Variants in LINGO2 observed in about 807,000 individuals in gnomAD.
LINGO2 encodes leucine-rich repeat and immunoglobulin-like domain-containing nogo receptor-interacting protein 2.
In LINGO2, 14 loss-of-function variants were observed where a neutral mutation model predicts 30.6. The ratio of observed to expected loss-of-function variants is 0.46; its 90% CI spans 0.30 to 0.72. LINGO2 has a LOEUF of 0.72. Ranked by LOEUF, LINGO2 falls within the 30% of genes least tolerant of loss-of-function variation. The pLI, the probability that LINGO2 is intolerant of heterozygous loss-of-function variation, is 0.07. For synonymous variants in LINGO2, 317 were observed against 288.5 expected (o/e 1.10, Z -1.00); for missense variants, 729 against 751.7 (o/e 0.97, Z 0.35).
rs536791310 is a variant in LINGO2 at position 28,356,682 on chromosome 9, T to C, written c.-246+16154A>G. ...ACCACCTGAATTATCCCTTTTACCA[T>C]ATTTCTAAATGATAATCACCTGGTC... On this transcript the variant is annotated intron_variant, in intron 3 of 5. Transcript: ENST00000379992. Among the ~76,000 whole-genome samples, 6 of 152,288 alleles carry C rather than the reference T, an allele frequency of 3.9e-5. No homozygotes were observed. The South Asian group carries it at 1.2e-3, about 32-fold the overall frequency.
the LINGO2 span, among the ~76,000 whole-genome samples, chr9:28,806,332 A>G: frequency 6.6e-6 from 1 of 152,210 alleles, no homozygotes; most frequent in Non-Finnish European, 1.5e-5. Context: ...TGCTGCCTTC[A>G]CGATCCCTTG....
At chr9:28,039,176 C>T (rs1043343901) in intron 4 of LINGO2, among the ~76,000 whole-genome samples, 2 of 152,046 alleles carry the variant, frequency 1.3e-5, no homozygotes, top group African/African-American at 2.4e-5. Flanking sequence ...ATAAGTAGGC[C>T]GTGGGCATCT....
chr9:28,726,767 A>G, the LINGO2 span, among the ~76,000 whole-genome samples: 1 of 152,224 alleles, frequency 6.6e-6, no homozygotes, highest in Non-Finnish European at 1.5e-5. Flanking sequence ...ACATTTTCTG[A>G]CCATGATGAT....
chr9:27,968,891 C>A (rs1820225124), intron 5 of LINGO2, among the ~76,000 whole-genome samples: 1 of 151,260 alleles, frequency 6.6e-6, no homozygotes. Flanking sequence ...ATTATAATTT[C>A]TCACCTCTCT....
chr9:28,499,635 T>A (rs1819804357), intron 1 of LINGO2, among the ~76,000 whole-genome samples: 2 of 152,202 alleles, frequency 1.3e-5, no homozygotes, highest in Non-Finnish European at 2.9e-5. Context: ...TAAAGAGTGA[T>A]AAGGATACAC....
chr9:28,800,885 T>C, the LINGO2 span, among the ~76,000 whole-genome samples: 1 of 152,054 alleles, frequency 6.6e-6, no homozygotes, highest in Non-Finnish European at 1.5e-5. Flanking sequence ...CCAGTTCTAG[T>C]GCGTGAAGTG....
At chr9:28,380,152 A>G (rs1190269218) in intron 2 of LINGO2, among the ~76,000 whole-genome samples, 2 of 152,012 alleles carry the variant, frequency 1.3e-5, no homozygotes, top group East Asian at 3.9e-4. Context: ...GAAAAGTTTG[A>G]CTCCTGCCTT....
the LINGO2 span, among the ~76,000 whole-genome samples, chr9:29,102,871 T>A: frequency 6.6e-6 from 1 of 152,112 alleles, no homozygotes; most frequent in Non-Finnish European, 1.5e-5. Flanking sequence ...GAAAGCATTC[T>A]CTCTACTTCC....
At chr9:29,079,246 T>C in the LINGO2 span, among the ~76,000 whole-genome samples, 45 of 152,004 alleles carry the variant, frequency 3.0e-4, no homozygotes, top group Admixed American at 1.3e-3. Flanking sequence ...ACTTATGGTA[T>C]ATTGAAAATG....
the LINGO2 span, among the ~76,000 whole-genome samples, chr9:29,018,788 GTACTAAA>G: frequency 2.5e-4 from 38 of 152,290 alleles, no homozygotes; most frequent in South Asian, 2.9e-3. Flanking sequence ...ACTAAGGAAT[GTACTAAA>G]AGATATCTCA....
chr9:28,717,788 A>G, the LINGO2 span, among the ~76,000 whole-genome samples: 1 of 151,978 alleles, frequency 6.6e-6, no homozygotes, highest in Non-Finnish European at 1.5e-5. Flanking sequence ...TCTAGTGGGA[A>G]ATTTTTCAGG....
At chr9:28,178,428 A>G (rs968321363) in intron 4 of LINGO2, among the ~76,000 whole-genome samples, 3 of 152,166 alleles carry the variant, frequency 2.0e-5, no homozygotes, top group Non-Finnish European at 4.4e-5. Context: ...GCTTCTGCAG[A>G]AACTTTCTAA....
At chr9:27,947,635 A>C (rs980773490), downstream of LINGO2, among the ~76,000 whole-genome samples, 2 of 152,210 alleles carry the variant, frequency 1.3e-5, no homozygotes, top group Admixed American at 6.5e-5. Context: ...ATTCAAGTAG[A>C]GAACATCAGA....
the LINGO2 span, among the ~76,000 whole-genome samples, chr9:29,014,853 C>G: frequency 3.3e-5 from 5 of 152,062 alleles, no homozygotes; most frequent in Non-Finnish European, 7.4e-5. Flanking sequence ...ATTAAATTCT[C>G]TTTTTATGTT....
At chr9:28,572,840 G>A (rs1256848396) in intron 1 of LINGO2, among the ~76,000 whole-genome samples, 1 of 152,008 alleles carries the variant, frequency 6.6e-6, no homozygotes, top group African/African-American at 2.4e-5. Context: ...TTTATTCAAG[G>A]AACACTAGAA....
chr9:28,305,887 AGAGATACACTTGACTCT>A (rs1420201659), intron 3 of LINGO2, among the ~76,000 whole-genome samples: 1 of 152,104 alleles, frequency 6.6e-6, no homozygotes, highest in African/African-American at 2.4e-5. Flanking sequence ...TTTACATTTA[AGAGATACACTTGACTCT>A]GAGGCATTCC....
chr9:28,759,349 G>A, the LINGO2 span, among the ~76,000 whole-genome samples: 1 of 152,016 alleles, frequency 6.6e-6, no homozygotes, highest in East Asian at 1.9e-4. Context: ...GACAAAGAGG[G>A]TTTCTGGGTA....
intron 2 of LINGO2, among the ~76,000 whole-genome samples, chr9:28,414,267 C>G (rs1432538567): frequency 2.0e-5 from 3 of 152,020 alleles, no homozygotes; most frequent in Admixed American, 2.0e-4. Flanking sequence ...ATGAAGTTGT[C>G]TATTTCATCA....
the LINGO2 span, among the ~76,000 whole-genome samples, chr9:29,018,091 T>TTATATATATATA: frequency 9.5e-4 from 22 of 23,232 alleles, no homozygotes; most frequent in Admixed American, 1.8e-3. Context: ...AATATACATT[T>TTATATATATATA]TATATATATA....
Sources: allele counts gnomAD v4.1 joint callset (sites outside exome capture counted in the v4.1 genomes callset), GRCh38; gene constraint gnomAD v4.1.1; transcripts MANE v1.5; gene names NCBI Gene and HGNC (gene_info 2026-07-23, HGNC 2026-07-21).